The following SH3PXD2B variants were observed in gnomAD, a reference collection of about 807,000 sequenced individuals.
The protein encoded by SH3PXD2B is SH3 and PX domain-containing protein 2B.
SH3PXD2B carries 37 observed loss-of-function variants against 73.1 expected under a neutral mutation model. That is an observed-to-expected ratio of 0.51 (90% CI 0.39 to 0.67). The LOEUF (loss-of-function observed/expected upper bound fraction) is 0.67, where lower values mean the gene tolerates loss of function less well. Among genes scored for constraint, SH3PXD2B ranks in the 30% least tolerant of loss-of-function variants. The probability of loss-of-function intolerance (pLI) is 0.00; values close to 1 mark genes in which losing one functional copy is unlikely to be tolerated. For missense variants in SH3PXD2B, 1,053 were observed against 1,197.8 expected (o/e 0.88, Z 1.78); for synonymous variants, 457 against 480.5 (o/e 0.95, Z 0.64).
chr5:172,345,640 G>A (rs1404876411), intron 12 of SH3PXD2B, among the ~76,000 whole-genome samples: 1 of 152,208 alleles, frequency 6.6e-6, no homozygotes, highest in Non-Finnish European at 1.5e-5. Flanking sequence ...GGAAAGGAAA[G>A]AGAAATGCAG....
At chr5:172,454,197 G>T in intron 1 of SH3PXD2B, 81 bp downstream of exon 1, 5 of 1,261,832 alleles carry the variant, frequency 4.0e-6, no homozygotes, top group Non-Finnish European at 5.5e-6. Context: ...GCTGGAGGCA[G>T]AAGTTTTCCA....
chr5:172,362,960 C>T (rs1411724436), intron 6 of SH3PXD2B, 91 bp from the exon 7 acceptor site: 8 of 1,546,984 alleles, frequency 5.2e-6, no homozygotes, highest in Non-Finnish European at 7.1e-6. Context: ...GAGGACGTTC[C>T]AAATAAAAAA....
intron 2 of SH3PXD2B, among the ~76,000 whole-genome samples, chr5:172,407,191 C>T (rs902928421): frequency 6.6e-6 from 1 of 152,152 alleles, no homozygotes; most frequent in Non-Finnish European, 1.5e-5. Flanking sequence ...AGCTGGGCTG[C>T]GGAAGTCATT....
At chr5:172,422,780 A>G (rs1759002419) in intron 1 of SH3PXD2B, among the ~76,000 whole-genome samples, 1 of 152,220 alleles carries the variant, frequency 6.6e-6, no homozygotes, top group Non-Finnish European at 1.5e-5. Flanking sequence ...CGGCATTGCC[A>G]GGATTCCTCA....
At chr5:172,414,084 T>C (rs1436656849) in intron 2 of SH3PXD2B, among the ~76,000 whole-genome samples, 2 of 152,190 alleles carry the variant, frequency 1.3e-5, no homozygotes, top group Non-Finnish European at 1.5e-5. Flanking sequence ...CAGTGGAGCA[T>C]GGGGGCTTAT....
rs371785049 is a variant in SH3PXD2B, at chr5:172,373,761, G to A, written c.427+29C>T. The stretch of plus-strand genomic sequence containing the variant: ...GGCTGGAGTTTGCCGAAAACTGAAC[G>A]AAGAGAAGAAAATAGAAAATATTCT... On this transcript the variant is annotated intron_variant, in intron 6 of 12. Coordinates refer to ENST00000311601, the MANE Select transcript of SH3PXD2B (RefSeq NM_001017995.3). 747 of 1,608,530 alleles carry A rather than the reference G, an allele frequency of 4.6e-4. 1 individual carries two copies. The highest frequency in any genetic ancestry group is 1.9e-3 in the Admixed American group (111 of 59,628).
chr5:172,371,634 T>C lies in SH3PXD2B; in HGVS notation c.427+2156A>G, dbSNP rs78178881. Among the ~76,000 whole-genome samples the C allele has an allele frequency of 5.6e-3, 857 of 152,140 alleles. 3 individuals are homozygous for C. Among genetic ancestry groups the C allele is most frequent in the Non-Finnish European group, 7.1e-3 (482 of 67,988 alleles). The stretch of plus-strand genomic sequence containing the variant: ...TCCAACCAGTTGAACTATAAATAAA[T>C]CCATCCCCATCATTTCAGGTGAATG... On this transcript the variant is annotated intron_variant, in intron 6 of 12. Transcript: ENST00000311601.
intron 2 of SH3PXD2B, among the ~76,000 whole-genome samples, chr5:172,412,810 C>T (rs1581319269): frequency 6.6e-6 from 1 of 152,266 alleles, no homozygotes; most frequent in East Asian, 1.9e-4. Context: ...ACCCACTACC[C>T]GCGCTCCCCC....
chr5:172,379,106 A>G (rs1458014952), intron 5 of SH3PXD2B, among the ~76,000 whole-genome samples: 3 of 149,816 alleles, frequency 2.0e-5, no homozygotes, highest in African/African-American at 7.4e-5. Flanking sequence ...AGTGGCTTCT[A>G]TAAACTGAAT....
intron 1 of SH3PXD2B, among the ~76,000 whole-genome samples, chr5:172,428,448 G>A (rs921047667): frequency 9.9e-5 from 15 of 152,220 alleles, no homozygotes; most frequent in African/African-American, 3.4e-4. Flanking sequence ...AAAATGCACG[G>A]CAACTGGAAC....
intron 6 of SH3PXD2B, among the ~76,000 whole-genome samples, chr5:172,370,909 G>T (rs1757689403): frequency 6.6e-6 from 1 of 152,124 alleles, no homozygotes; most frequent in Admixed American, 6.5e-5. Context: ...TCTAAATGTT[G>T]CGGCAGGCAA....
At chr5:172,412,403 CATTTAA>C (rs1758721338) in intron 2 of SH3PXD2B, among the ~76,000 whole-genome samples, 1 of 152,342 alleles carries the variant, frequency 6.6e-6, no homozygotes, top group South Asian at 2.1e-4. Context: ...CTTGAATTTA[CATTTAA>C]ATACCCTCAT....
At chr5:172,453,034 G>A (rs143848801) in intron 1 of SH3PXD2B, among the ~76,000 whole-genome samples, 1 of 152,010 alleles carries the variant, frequency 6.6e-6, no homozygotes, top group Non-Finnish European at 1.5e-5. Context: ...TGTGGAGAGC[G>A]CGGAGTGGGT....
chr5:172,383,833 G>A lies in SH3PXD2B; in HGVS notation c.310-1706C>T, dbSNP rs1225055131. The stretch of plus-strand genomic sequence containing the variant: ...TCTGGGGATAGAAGAGATGTGTCTT[G>A]CATTTCCTTTCTTTCTTTCTTTTTT... On this transcript the variant is annotated intron_variant, in intron 4 of 12. Coordinates refer to ENST00000311601, the MANE Select transcript of SH3PXD2B (RefSeq NM_001017995.3). 2.0e-5 allele frequency among the ~76,000 whole-genome samples: 3 copies of A among 150,420 alleles called. No individual in the cohort carries two copies. The Admixed American group carries it at 2.0e-4, about 10-fold the overall frequency.
At chr5:172,326,046 C>G (rs13160730) in intron 12 of SH3PXD2B, among the ~76,000 whole-genome samples, 1 of 152,068 alleles carries the variant, frequency 6.6e-6, no homozygotes, top group Admixed American at 6.5e-5. Flanking sequence ...CTCAGCCTCC[C>G]GAAGTGTTGG....
intron 7 of SH3PXD2B, among the ~76,000 whole-genome samples, chr5:172,360,569 C>T (rs1235433333): frequency 9.2e-5 from 14 of 152,324 alleles, no homozygotes; most frequent in Admixed American, 2.0e-4. Flanking sequence ...CAGTGGCTCA[C>T]GCCTGCAATC....
Position 172,439,712 on chromosome 5 carries a change from A to G in SH3PXD2B, c.75+14566T>C, listed in dbSNP as rs762140271. Among the ~76,000 whole-genome samples the G allele has an allele frequency of 8.9e-3, 1,355 of 151,918 alleles. 10 individuals carry two copies. The highest frequency in any genetic ancestry group is 0.014 in the Non-Finnish European group (925 of 67,908). On this transcript the variant is annotated intron_variant, in intron 1 of 12. Coordinates refer to ENST00000311601, the MANE Select transcript of SH3PXD2B (RefSeq NM_001017995.3). ...CGCGCGCACACACACACACACACAC[A>G]CACACACACACACACACACAGCTGC...
chr5:172,427,779 ATT>A (rs112469816), intron 1 of SH3PXD2B, among the ~76,000 whole-genome samples: 8 of 138,856 alleles, frequency 5.8e-5, no homozygotes, highest in Non-Finnish European at 4.7e-5. Flanking sequence ...TGTTACCACG[ATT>A]TTTTTTTTTT....
intron 2 of SH3PXD2B, among the ~76,000 whole-genome samples, chr5:172,408,279 C>CT (rs1758608551): frequency 2.0e-5 from 3 of 149,318 alleles, no homozygotes; most frequent in South Asian, 2.1e-4. Flanking sequence ...AATTTCTTTT[C>CT]TTTTTTGAGA....
Sources: allele counts gnomAD v4.1 joint callset (sites outside exome capture counted in the v4.1 genomes callset), GRCh38; gene constraint gnomAD v4.1.1; transcripts MANE v1.5; gene names NCBI Gene and HGNC (gene_info 2026-07-23, HGNC 2026-07-21).